XKR6: variants seen among roughly 807,000 people sequenced by gnomAD.
XKR6 encodes the protein XK related 6, also known as XK-related protein 6.
A neutral mutation model predicts 56.7 loss-of-function variants in XKR6; 22 were observed. That is an observed-to-expected ratio of 0.39 (90% CI 0.28 to 0.55). XKR6 has a LOEUF of 0.55. XKR6 is among the 20% of genes least tolerant of loss of function. The pLI, the probability that XKR6 is intolerant of heterozygous loss-of-function variation, is 0.66. For missense variants in XKR6, 852 were observed against 889.0 expected (o/e 0.96, Z 0.53); for synonymous variants, 524 against 387.8 (o/e 1.35, Z -4.13).
At chr8:11,182,500 G>A (rs1177485795) in intron 1 of XKR6, among the ~76,000 whole-genome samples, 1 of 152,226 alleles carries the variant, frequency 6.6e-6, no homozygotes, top group Non-Finnish European at 1.5e-5. Context: ...TCCTCAGCTG[G>A]TCAGCGTGGC....
chr8:11,180,405 A>G (rs1220553091), intron 1 of XKR6, among the ~76,000 whole-genome samples: 1 of 152,196 alleles, frequency 6.6e-6, no homozygotes, highest in Non-Finnish European at 1.5e-5. Flanking sequence ...GTATCATAGT[A>G]AGTTTAGTAT....
At chr8:10,908,429 C>T (rs1457171296) in intron 2 of XKR6, among the ~76,000 whole-genome samples, 2 of 152,022 alleles carry the variant, frequency 1.3e-5, no homozygotes, top group African/African-American at 4.8e-5. Context: ...CTTCCCCCTC[C>T]CAGGAATCTC....
At chr8:11,128,034 G>GGA (rs1799916391) in intron 1 of XKR6, among the ~76,000 whole-genome samples, 1 of 152,280 alleles carries the variant, frequency 6.6e-6, no homozygotes, top group African/African-American at 2.4e-5. Context: ...ATTTATCAGT[G>GGA]GAGGGTAAAA....
intron 1 of XKR6, among the ~76,000 whole-genome samples, chr8:10,939,431 G>C (rs1340754209): frequency 6.6e-6 from 1 of 152,174 alleles, no homozygotes; most frequent in Non-Finnish European, 1.5e-5. Context: ...CAGGATTTAA[G>C]GGACAGCTGC....
intron 1 of XKR6, among the ~76,000 whole-genome samples, chr8:10,950,039 T>C (rs954298191): frequency 1.3e-5 from 2 of 152,152 alleles, no homozygotes; most frequent in Non-Finnish European, 2.9e-5. Context: ...TGAGCATCCT[T>C]GCCCCTCCAC....
At position 11,068,326 on chromosome 8, in the gene XKR6, C is replaced by T. The variant is rs568468233; in HGVS notation, c.764+132250G>A. Among the ~76,000 whole-genome samples, 23 of 151,992 alleles carry T rather than the reference C, an allele frequency of 1.5e-4. No homozygotes were observed. In the East Asian group the frequency reaches 1.5e-3, roughly 10 times the overall value. ...ACTGAGTAAGGGCATCCCTGGGATA[C>T]GGTGGGTGGGGGGCTGGGCAGGCTG... is the stretch of plus-strand genomic sequence containing the variant. On this transcript the variant is annotated intron_variant, in intron 1 of 2. Transcript: ENST00000416569.
chr8:10,901,522 C>A (rs1322454872), intron 2 of XKR6, among the ~76,000 whole-genome samples: 14 of 152,122 alleles, frequency 9.2e-5, no homozygotes. Context: ...CACTGAAGCA[C>A]CCTCAAAAAA....
intron 1 of XKR6, among the ~76,000 whole-genome samples, chr8:10,985,488 A>G (rs979487406): frequency 2.6e-5 from 4 of 152,058 alleles, no homozygotes; most frequent in African/African-American, 9.7e-5. Context: ...CTAATTCTAA[A>G]GCTTGTTCCC....
At chr8:11,182,394 C>T (rs1351640776) in intron 1 of XKR6, among the ~76,000 whole-genome samples, 1 of 152,230 alleles carries the variant, frequency 6.6e-6, no homozygotes, top group Non-Finnish European at 1.5e-5. Context: ...GGCGCATTAA[C>T]ACCAGGACTA....
chr8:11,102,696 G>C (rs1758083426), intron 1 of XKR6, among the ~76,000 whole-genome samples: 1 of 152,130 alleles, frequency 6.6e-6, no homozygotes, highest in Non-Finnish European at 1.5e-5. Context: ...AGCATTCAAA[G>C]TTTCCATCAG....
chr8:10,965,110 C>T lies in XKR6; in HGVS notation c.765-40280G>A, dbSNP rs186009027. ...AGCTTAGGAAACCATATTGCCAAGG[C>T]CCCAGAACCTGAACACCAGCAAGCT... On this transcript the variant is annotated intron_variant, in intron 1 of 2. Coordinates refer to ENST00000416569, the MANE Select transcript of XKR6 (RefSeq NM_173683.4). 5.9e-5 allele frequency among the ~76,000 whole-genome samples: 9 copies of T among 152,360 alleles called. No homozygotes were observed. The East Asian group carries it at 1.2e-3, about 20-fold the overall frequency.
chr8:10,900,406 C>T (rs780610301), intron 2 of XKR6, among the ~76,000 whole-genome samples: 3 of 152,192 alleles, frequency 2.0e-5, no homozygotes, highest in African/African-American at 7.2e-5. Flanking sequence ...ACTGGCTCTG[C>T]GTCACCCGTC....
intron 1 of XKR6, among the ~76,000 whole-genome samples, chr8:11,134,448 C>G (rs1164747359): frequency 6.6e-6 from 1 of 152,138 alleles, no homozygotes; most frequent in East Asian, 1.9e-4. Flanking sequence ...ATTGACTACT[C>G]CAAGTGGAAA....
intron 1 of XKR6, among the ~76,000 whole-genome samples, chr8:10,974,256 G>T (rs1381788538): frequency 6.6e-6 from 1 of 152,320 alleles, no homozygotes; most frequent in African/African-American, 2.4e-5. Context: ...TGGCTTTAGT[G>T]AATAAGCCGG....
Position 11,177,805 on chromosome 8 carries a change from G to A in XKR6, c.764+22771C>T, listed in dbSNP as rs749959084. On this transcript the variant is annotated intron_variant, in intron 1 of 2. Transcript: ENST00000416569. ...GTGCCCTGCTCACGCATTGACTGCA[G>A]ACTTCTAGCCTCAGGCTCTGAGAGA... 8.6e-4 allele frequency among the ~76,000 whole-genome samples: 131 copies of A among 152,354 alleles called. No individual in the cohort carries two copies. The Middle Eastern group carries it at 0.01, about 12-fold the overall frequency.
At chr8:11,088,905 T>C (rs548169272) in intron 1 of XKR6, among the ~76,000 whole-genome samples, 22 of 152,340 alleles carry the variant, frequency 1.4e-4, no homozygotes, top group Admixed American at 1.3e-3. Flanking sequence ...TGATTATTTG[T>C]GGCAGGGCAA....
chr8:11,134,041 G>T (rs915052791), intron 1 of XKR6, among the ~76,000 whole-genome samples: 2 of 152,072 alleles, frequency 1.3e-5, no homozygotes. Flanking sequence ...CCACAGCCCT[G>T]AGCCCCAGAA....
intron 1 of XKR6, among the ~76,000 whole-genome samples, chr8:10,980,842 G>C (rs549359384): frequency 6.6e-6 from 1 of 152,110 alleles, no homozygotes; most frequent in Non-Finnish European, 1.5e-5. Context: ...AATGGATTAT[G>C]ATCTCTGTCT....
intron 1 of XKR6, among the ~76,000 whole-genome samples, chr8:11,046,848 C>G (rs997425944): frequency 2.0e-5 from 3 of 152,164 alleles, no homozygotes; most frequent in Admixed American, 2.0e-4. Flanking sequence ...TTTGCAACAA[C>G]ATGGATGAAC....
Sources: gnomAD v4.1 joint callset for allele counts (sites outside exome capture counted in the v4.1 genomes callset) on GRCh38, gnomAD v4.1.1 for gene constraint, MANE v1.5 for transcripts, NCBI Gene and HGNC (gene_info 2026-07-23, HGNC 2026-07-21) for gene names.